The following BCOR variants were observed in gnomAD, a reference collection of about 807,000 sequenced individuals.
BCOR encodes the protein BCL6 corepressor.
BCOR carries 10 observed loss-of-function variants against 86.7 expected under a neutral mutation model. The observed-to-expected ratio is 0.12, with a 90% CI of 0.07 to 0.20. The LOEUF is 0.20. BCOR is among the 10% of genes least tolerant of loss of function. The pLI is 1.00. For missense variants in BCOR, 1,259 were observed against 1,452.1 expected (o/e 0.87, Z 2.16); for synonymous variants, 611 against 609.0 (o/e 1.00, Z -0.05).
chrX:40,085,827 C>A (rs1264013098), intron 1 of BCOR, among the ~76,000 whole-genome samples: 1 of 111,613 alleles, frequency 9.0e-6, no homozygotes, highest in Non-Finnish European at 1.9e-5. Flanking sequence ...CCTAAGTCCA[C>A]CTGCTTGGGC....
At chrX:40,087,015 G>A (rs1410861276) in intron 1 of BCOR, among the ~76,000 whole-genome samples, 1 of 113,531 alleles carries the variant, frequency 8.8e-6, no homozygotes. Context: ...AGCCCTCTCC[G>A]AGAGTTTACT....
In BCOR at chrX:40,073,538, G is replaced by T; in HGVS notation, c.1808C>A (p.Ala603Asp). ...GCTGCTACTGTGCTTGGCAGGAGTG[G>T]CCGGGGGCTGGCCCACGTGCTGAAT... ...SVIQHVGQPP[A>D]TPAKHSSSTS... The change falls in exon 4 of 15, where the codon GCC becomes GAC. Residue 603 changes from alanine to aspartate, a missense_variant. Coordinates refer to ENST00000378444, the MANE Select transcript of BCOR (RefSeq NM_001123385.2). 1 of 1,212,134 alleles carries T rather than the reference G, an allele frequency of 8.2e-7. No homozygotes were observed. Among genetic ancestry groups the T allele is most frequent in the African/African-American group, 1.7e-5 (1 of 57,988 alleles).
rs139358845 is a variant in BCOR, at chrX:40,124,128, G to A, written c.-40-46159C>T. ...AATATGGTGAACTACGGACTTAAGCGGACCATAAAGATTTTGAACTATTGG... is the reference window on the plus strand; with the variant it reads ...AATATGGTGAACTACGGACTTAAGCAGACCATAAAGATTTTGAACTATTGG... On this transcript the variant is annotated intron_variant, in intron 1 of 14. Transcript: ENST00000342274. 4.5e-3 allele frequency among the ~76,000 whole-genome samples: 496 copies of A among 110,977 alleles called. 2 individuals are homozygous for A. The highest frequency in any genetic ancestry group is 0.016 in the African/African-American group (476 of 30,547).
In BCOR at chrX:40,062,309, C is replaced by G. The variant is rs886042813; in HGVS notation, c.4258G>C (p.Asp1420His). The change falls in exon 10 of 15, where the codon GAC becomes CAC. Residue 1420 changes from aspartate to histidine, a missense_variant. Coordinates refer to ENST00000378444, the MANE Select transcript of BCOR (RefSeq NM_001123385.2). The part of the protein sequence containing the change: ...SPAKQEPKPF[D>H]RLQQLLPASQ... ...GCTGGTAGCAGTTGCTGCAAGCGGT[C>G]GAAGGGCTTTGGCTCCTGCTTGGCT... 5.0e-6 allele frequency: 6 copies of G among 1,209,277 alleles called. No homozygotes were observed. Among genetic ancestry groups the G allele is most frequent in the Non-Finnish European group, 5.6e-6 (5 of 894,550 alleles).
chrX:40,109,045 C>T (rs1937247542), intron 1 of BCOR, among the ~76,000 whole-genome samples: 1 of 113,164 alleles, frequency 8.8e-6, no homozygotes, highest in African/African-American at 3.2e-5. Context: ...GCGGCCCTGG[C>T]CCGCACGATT....
chrX:40,177,032 C>T (rs1418920116), exon 1 of BCOR: 1 of 108,548 alleles, frequency 9.2e-6, no homozygotes, highest in Non-Finnish European at 1.9e-5. Flanking sequence ...CTCCGTCTTC[C>T]ACTGACTCCA....
chrX:40,081,881 A>T (rs138822296), intron 1 of BCOR, among the ~76,000 whole-genome samples: 5,476 of 112,277 alleles, frequency 0.049, 123 homozygotes, highest in Non-Finnish European at 0.076. Context: ...CTGCAGGAAC[A>T]CCCAGGGCCA....
At chrX:40,140,372 G>A (rs758563705) in intron 1 of BCOR, among the ~76,000 whole-genome samples, 4 of 110,484 alleles carry the variant, frequency 3.6e-5, no homozygotes, top group Non-Finnish European at 7.6e-5. Context: ...GCTGAGGCAG[G>A]AGAAGCACTT....
At chrX:40,080,947 A>G (rs1936067275) in intron 1 of BCOR, among the ~76,000 whole-genome samples, 1 of 93,208 alleles carries the variant, frequency 1.1e-5, no homozygotes, top group South Asian at 5.9e-4. Flanking sequence ...CTGTGGACTT[A>G]CGCACACACG....
chrX:40,056,738 G>A (rs1186028988), intron 11 of BCOR, among the ~76,000 whole-genome samples: 1 of 111,537 alleles, frequency 9.0e-6, no homozygotes, highest in African/African-American at 3.3e-5. Flanking sequence ...GCCACGGCTG[G>A]GGATGTGGGT....
chrX:40,115,788 A>AC (rs1483520569), intron 1 of BCOR, among the ~76,000 whole-genome samples: 1 of 110,035 alleles, frequency 9.1e-6, no homozygotes, highest in African/African-American at 3.3e-5. Flanking sequence ...AAAAAAAAAA[A>AC]AAAAGTGTGG....
chrX:40,090,132 A>C (rs1430601783), intron 1 of BCOR, among the ~76,000 whole-genome samples: 11 of 112,914 alleles, frequency 9.7e-5, no homozygotes, highest in Middle Eastern at 4.7e-3. Context: ...GCTCGGCTCG[A>C]TGGGTACAGG....
At chrX:40,107,707 G>C (rs1442174158) in intron 1 of BCOR, among the ~76,000 whole-genome samples, 1 of 113,180 alleles carries the variant, frequency 8.8e-6, no homozygotes, top group Non-Finnish European at 1.9e-5. Context: ...CTCCTGACCA[G>C]TGCCAGCCCC....
In BCOR at chrX:40,095,269, T is replaced by C. The variant is rs371406902; in HGVS notation, c.-41+1946A>G. Among the ~76,000 whole-genome samples, 29 of 112,122 alleles carry C rather than the reference T, an allele frequency of 2.6e-4. 1 individual carries two copies. The East Asian group carries it at 7.0e-3, about 27-fold the overall frequency. On this transcript the variant is annotated intron_variant, in intron 1 of 14. Coordinates refer to ENST00000378444, the MANE Select transcript of BCOR (RefSeq NM_001123385.2). ...TGGGCAGGGTCAAGGAACGAGCGTA[T>C]TCCCTAAGTGTCCACGTACAGGAAT...
intron 1 of BCOR, among the ~76,000 whole-genome samples, chrX:40,159,675 T>C (rs753151721): frequency 7.8e-4 from 87 of 111,932 alleles, no homozygotes; most frequent in African/African-American, 2.7e-3. Context: ...TAAAACTAAA[T>C]GGAAGATTGG....
At chrX:40,097,087 G>C (rs1275209366) in intron 1 of BCOR, 128 bp downstream of exon 1, 1 of 112,854 alleles carries the variant, frequency 8.9e-6, no homozygotes, top group Non-Finnish European at 1.9e-5. Flanking sequence ...AGGGAAGCGC[G>C]AGGCAAAAGC....
At chrX:40,157,587 C>T (rs746045876) in intron 1 of BCOR, among the ~76,000 whole-genome samples, 2 of 112,540 alleles carry the variant, frequency 1.8e-5, no homozygotes, top group Admixed American at 9.4e-5. Flanking sequence ...TTGGTTGGAA[C>T]CTTGAACCAG....
intron 1 of BCOR, among the ~76,000 whole-genome samples, chrX:40,159,304 AT>A (rs1017701730): frequency 8.0e-5 from 9 of 112,547 alleles, no homozygotes; most frequent in Admixed American, 2.8e-4. Flanking sequence ...CCCATTTGAA[AT>A]CAGTAAAAAC....
intron 1 of BCOR, among the ~76,000 whole-genome samples, chrX:40,137,407 G>A (rs944445770): frequency 9.1e-6 from 1 of 109,724 alleles, no homozygotes; most frequent in African/African-American, 3.3e-5. Flanking sequence ...AAATTGTCAC[G>A]TGTGGTGGCA....
Sources: allele counts gnomAD v4.1 joint callset (sites outside exome capture counted in the v4.1 genomes callset), GRCh38; gene constraint gnomAD v4.1.1; transcripts MANE v1.5; gene names NCBI Gene and HGNC (gene_info 2026-07-23, HGNC 2026-07-21).